The following DGCR6L variants were observed in gnomAD, a reference collection of about 807,000 sequenced individuals.
DGCR6L encodes DiGeorge syndrome critical region gene 6 like.
In DGCR6L, 24 loss-of-function variants were observed where a neutral mutation model predicts 31.1. The ratio of observed to expected loss-of-function variants is 0.77; its 90% CI spans 0.56 to 1.08. DGCR6L has a LOEUF of 1.08. DGCR6L is among the 50% of genes least tolerant of loss of function. DGCR6L has a pLI of 0.00. For synonymous variants in DGCR6L, 104 were observed against 126.1 expected, an observed-to-expected ratio of 0.82 and a Z score of 1.17; for missense variants, 218 against 287.1, an observed-to-expected ratio of 0.76 and a Z score of 1.74.
At chr22:20,318,632 G>C (rs1415600773) in intron 2 of DGCR6L, 2 of 152,170 alleles carry the variant, frequency 1.3e-5, no homozygotes, top group African/African-American at 4.8e-5. Context: ...GAGACACCCG[G>C]AACAGTTAAT....
Position 20,319,672 on chromosome 22 carries a change from T to G in DGCR6L, c.238A>C (p.Asn80His). Residue 80 changes from asparagine (N) to histidine (H), a missense_variant, in exon 2 of 5, where the codon AAC (asparagine) becomes CAC (histidine). By Grantham distance (68) the Asn-to-His change is moderately conservative. Coordinates refer to ENST00000248879, the MANE Select transcript of DGCR6L (RefSeq NM_033257.4). ...TCGTTCTGTAGGCGCAGGCGCTGGT[T>G]GTACAGGCTCTTTTCGGTGAGGTGC... ...IQHLTEKSLY[N>H]QRLRLQNEHR... 6.2e-7 allele frequency: 1 copy of G among 1,611,924 alleles called. No homozygotes were observed. The highest frequency in any genetic ancestry group is 8.5e-7 in the Non-Finnish European group (1 of 1,179,878).
intron 2 of DGCR6L, among the ~76,000 whole-genome samples, chr22:20,317,009 A>AG (rs2146017895): frequency 6.6e-6 from 1 of 152,336 alleles, no homozygotes; most frequent in East Asian, 1.9e-4. Flanking sequence ...GCCAGTGACC[A>AG]GTAAGTGCCA....
intron 2 of DGCR6L, 44 bp downstream of exon 2, chr22:20,319,581 GCTGCCCGGAGGCGC>G: frequency 6.3e-7 from 1 of 1,587,300 alleles, no homozygotes; most frequent in Non-Finnish European, 8.6e-7. Context: ...GATACCAAGA[GCTGCCCGGAGGCGC>G]CGACCCGGAG....
rs549178116 is a variant in DGCR6L, at chr22:20,315,121, G to C, written c.513+215C>G. 31 of 1,266,938 alleles carry C rather than the reference G, an allele frequency of 2.4e-5. 1 individual carries two copies. The highest frequency in any genetic ancestry group is 1.8e-4 in the Middle Eastern group (1 of 5,494). 78.5% of individuals were successfully genotyped at this position (1,266,938 alleles called of 1,614,324 possible). On this transcript the variant is annotated intron_variant, in intron 4 of 4. Coordinates refer to ENST00000248879, the MANE Select transcript of DGCR6L (RefSeq NM_033257.4). ...TGTGTGGCACAGCAGGCCTGGAGAG[G>C]GTGGGCAGTGCCCATGGCTGGCTGG...
intron 2 of DGCR6L, chr22:20,318,353 G>A (rs1465713824): frequency 6.6e-6 from 1 of 152,294 alleles, no homozygotes; most frequent in African/African-American, 2.4e-5. Flanking sequence ...CAGCAGTCCA[G>A]TGTACAGGAA....
At chr22:20,317,714 A>G (rs1448508171) in intron 2 of DGCR6L, among the ~76,000 whole-genome samples, 8 of 152,378 alleles carry the variant, frequency 5.3e-5, no homozygotes, top group Admixed American at 1.3e-4. Context: ...AGAAAGCAAG[A>G]AAGTGCTCAC....
At chr22:20,315,297 G>A (rs1336301135) in intron 4 of DGCR6L, 39 bp downstream of exon 4, 16 of 1,591,742 alleles carry the variant, frequency 1.0e-5, no homozygotes, top group African/African-American at 1.3e-5. Context: ...TGGGGCCCCG[G>A]GGCACTCGGG....
intron 4 of DGCR6L, chr22:20,315,105 C>T (rs1359260660): frequency 8.2e-7 from 1 of 1,225,704 alleles, no homozygotes; most frequent in Non-Finnish European, 1.2e-6. Flanking sequence ...CTGTGTGGCA[C>T]AGCAGGCCTG....
intron 2 of DGCR6L, among the ~76,000 whole-genome samples, chr22:20,318,989 T>C (rs1240696332): frequency 6.6e-6 from 1 of 152,252 alleles, no homozygotes; most frequent in Non-Finnish European, 1.5e-5. Context: ...CACAAGCGTA[T>C]GCACTATACT....
chr22:20,316,361 C>G (rs1209301620), intron 2 of DGCR6L, 142 bp from the exon 3 acceptor site: 8 of 1,150,402 alleles, frequency 7.0e-6, no homozygotes, highest in Non-Finnish European at 1.0e-5. Flanking sequence ...CTCCATCCTC[C>G]CACCCCACTG....
rs1439087602 is a variant in DGCR6L at position 20,314,581 on chromosome 22, T to A, written c.*94A>T. ...ACAGGCAGCTGGGGTCCACCTGGTC[T>A]CTCCTCAGCAGGGGGAACCCCCTGC... On this transcript the variant is annotated 3_prime_UTR_variant, in exon 5 of 5. Transcript: ENST00000248879. 18 of 1,448,318 alleles carry A rather than the reference T, an allele frequency of 1.2e-5. 1 individual carries two copies. Among genetic ancestry groups the A allele is most frequent in the Non-Finnish European group, 1.7e-5 (18 of 1,090,840 alleles). The allele number at this position is 1,448,318 out of a possible 1,614,324, so 89.7% of individuals were successfully genotyped here. A position where few individuals can be genotyped will look rare whatever the true frequency, so the allele number is the denominator to read the frequency against.
At chr22:20,317,513 A>C (rs1341410472) in intron 2 of DGCR6L, among the ~76,000 whole-genome samples, 1 of 152,262 alleles carries the variant, frequency 6.6e-6, no homozygotes, top group African/African-American at 2.4e-5. Flanking sequence ...AAGTCAATGC[A>C]GGCATGCCTG....
chr22:20,318,019 G>T, intron 2 of DGCR6L: 1 of 248,386 alleles, frequency 4.0e-6, no homozygotes, highest in South Asian at 4.1e-5. Flanking sequence ...GAAAACTATA[G>T]ACCACAGTTT....
intron 2 of DGCR6L, among the ~76,000 whole-genome samples, chr22:20,317,175 C>T (rs1164230982): frequency 6.6e-6 from 1 of 152,222 alleles, no homozygotes; most frequent in East Asian, 1.9e-4. Flanking sequence ...TGCAGGTAGC[C>T]TGGCTCCCGC....
In DGCR6L at chr22:20,315,230, C is replaced by T. The variant is rs758694905; in HGVS notation, c.513+106G>A. ...TTCCAGAGCCTCAATCCTTCCACTT[C>T]ACCCCCATACCCTGAGCCTGGCTCC... On this transcript the variant is annotated intron_variant, in intron 4 of 4. Coordinates refer to ENST00000248879, the MANE Select transcript of DGCR6L (RefSeq NM_033257.4). 5 of 1,541,550 alleles carry T rather than the reference C, an allele frequency of 3.2e-6. No homozygotes were observed. In the South Asian group the frequency reaches 4.8e-5, roughly 15 times the overall value.
At position 20,318,320 on chromosome 22, in the gene DGCR6L, C is replaced by T. The variant is rs532129548; in HGVS notation, c.271+1319G>A. On this transcript the variant is annotated intron_variant, in intron 2 of 4. Coordinates refer to ENST00000248879, the MANE Select transcript of DGCR6L (RefSeq NM_033257.4). The stretch of plus-strand genomic sequence containing the variant: ...TAGGAGAAATTTTTGCCACATTAAA[C>T]CTGCTTCTAATCAGGCTTCTACCAG... The T allele has an allele frequency of 5.2e-5, 8 of 152,482 alleles. No individual in the cohort carries two copies. In the East Asian group the frequency reaches 1.4e-3, roughly 26 times the overall value. The allele number at this position is 152,482 out of a possible 1,614,324, so 9.4% of individuals were successfully genotyped here.
At position 20,315,411 on chromosome 22, in the gene DGCR6L, G is replaced by A. The variant is rs769338629; in HGVS notation, c.438C>T (p.Asp146=). 1.9e-6 allele frequency: 3 copies of A among 1,613,952 alleles called. No individual in the cohort carries two copies. The highest frequency in any genetic ancestry group is 2.5e-6 in the Non-Finnish European group (3 of 1,180,010). Residue 146 remains aspartate (D), a synonymous_variant, in exon 4 of 5, where the codon GAC becomes GAT. Transcript: ENST00000248879. ...TGCTCTGCTGGTCAGCCACCTTCCG[G>A]TCCAGCTCCAGGATGATCTTCTGGT... ...AMDQKIILEL[D]RKVADQQSTL...
In DGCR6L at chr22:20,316,140, C is replaced by T. The variant is rs367839075; in HGVS notation, c.351G>A (p.Ala117=). 15 of 1,610,832 alleles carry T rather than the reference C, an allele frequency of 9.3e-6. No individual in the cohort carries two copies. The highest frequency in any genetic ancestry group is 1.3e-5 in the Non-Finnish European group (15 of 1,179,428). The change falls in exon 3 of 5, where the codon GCG becomes GCA. Residue 117 remains alanine (A), a synonymous_variant. Transcript: ENST00000248879. ...CRPHNLPVVQ[A]AQQRELEAVE... ...GTACCTCTAGTTCTCGCTGCTGAGC[C>T]GCCTGAACCACAGGCAGGTTGTGGG...
chr22:20,316,043 A>G, intron 3 of DGCR6L, 76 bp downstream of exon 3: 1 of 1,471,672 alleles, frequency 6.8e-7, no homozygotes, highest in Non-Finnish European at 9.1e-7. Flanking sequence ...ACACCCCTTC[A>G]GCTCAGCCCA....
Sources: gnomAD v4.1 joint callset for allele counts (sites outside exome capture counted in the v4.1 genomes callset) on GRCh38, gnomAD v4.1.1 for gene constraint, MANE v1.5 for transcripts, NCBI Gene and HGNC (gene_info 2026-07-23, HGNC 2026-07-21) for gene names.